Variants in ACSL6 observed in about 807,000 individuals in gnomAD.
The protein encoded by ACSL6 is long-chain-fatty-acid--CoA ligase 6.
Under a neutral mutation model 98.2 loss-of-function variants are expected in ACSL6, and 47 were observed. That is an observed-to-expected ratio of 0.48 (90% CI 0.38 to 0.61). ACSL6 has a LOEUF of 0.61. ACSL6 is among the 20% of genes least tolerant of loss of function. The pLI is 0.00. For missense variants in ACSL6, 761 were observed against 913.4 expected (o/e 0.83, Z 2.15); for synonymous variants, 362 against 336.9 (o/e 1.07, Z -0.82).
chr5:131,959,393 G>A (rs1485126042), intron 20 of ACSL6, 143 bp downstream of exon 20: 1 of 812,158 alleles, frequency 1.2e-6, no homozygotes, highest in Non-Finnish European at 2.0e-6. Context: ...CTTGGAACAG[G>A]CCTTCAGGGG....
chr5:131,970,317 C>T (rs1444416194), intron 14 of ACSL6, 117 bp from the exon 15 acceptor site: 5 of 861,408 alleles, frequency 5.8e-6, no homozygotes, highest in African/African-American at 1.7e-5. Flanking sequence ...ATGATCAGGG[C>T]GATGGAGGGA....
chr5:131,956,260 T>C (rs900705343), intron 20 of ACSL6, among the ~76,000 whole-genome samples: 3 of 152,132 alleles, frequency 2.0e-5, no homozygotes, highest in African/African-American at 7.2e-5. Flanking sequence ...AGTAGAAATG[T>C]AAAAGAAAAC....
rs912941739 is a variant in ACSL6, at chr5:132,011,056, G to C, written c.49+449C>G. Among the ~76,000 whole-genome samples the C allele has an allele frequency of 6.6e-6, 1 of 152,126 alleles. No homozygotes were observed. The highest frequency in any genetic ancestry group is 1.5e-5 in the Non-Finnish European group (1 of 67,996). The stretch of plus-strand genomic sequence containing the variant: ...AGGGGTCGTGAGGAAGCCCCTCGCC[G>C]GGATCAGGAAGCCTAGGTCAGTCCG... On this transcript the variant is annotated intron_variant, in intron 1 of 20. Coordinates refer to ENST00000651883, the MANE Select transcript of ACSL6 (RefSeq NM_001009185.3). This position sits in a 1 kb window ranked among gnomAD's most constrained non-coding sequence, Gnocchi z 5.4.
intron 2 of ACSL6, chr5:131,993,242 C>CT (rs1754619887): frequency 1.3e-5 from 2 of 152,328 alleles, no homozygotes; most frequent in Admixed American, 6.5e-5. Flanking sequence ...CCAAGGTGCA[C>CT]TGTCAAGAGC....
intron 9 of ACSL6, 101 bp downstream of exon 9, chr5:131,985,306 C>A: frequency 6.9e-7 from 1 of 1,450,282 alleles, no homozygotes; most frequent in Non-Finnish European, 9.5e-7. Context: ...CAAGGCTCAG[C>A]CCATTTCAAA....
intron 19 of ACSL6, among the ~76,000 whole-genome samples, chr5:131,960,099 A>G (rs114731341): frequency 6.6e-6 from 1 of 152,170 alleles, no homozygotes; most frequent in Non-Finnish European, 1.5e-5. Flanking sequence ...TTTCTATTCC[A>G]TGACTAGCTG....
intron 2 of ACSL6, among the ~76,000 whole-genome samples, chr5:131,992,583 C>T (rs902962309): frequency 1.2e-4 from 19 of 152,160 alleles, no homozygotes; most frequent in Admixed American, 1.1e-3. Flanking sequence ...ACTCAGTGGC[C>T]CCTACACACG....
chr5:131,976,858 C>T (rs1167203577), intron 9 of ACSL6, 137 bp from the exon 10 acceptor site: 18 of 709,608 alleles, frequency 2.5e-5, no homozygotes, highest in Non-Finnish European at 4.6e-5. Context: ...CACCTTTAGA[C>T]TTACAGGCAG....
At chr5:131,994,548 C>T (rs1471882948) in intron 1 of ACSL6, 2 of 409,432 alleles carry the variant, frequency 4.9e-6, no homozygotes, top group African/African-American at 4.0e-5. Flanking sequence ...AGGGCCACTG[C>T]TCTGGCAGCT....
intron 8 of ACSL6, among the ~76,000 whole-genome samples, 156 bp from the exon 9 acceptor site, chr5:131,985,614 C>T (rs1253075412): frequency 2.6e-5 from 4 of 152,172 alleles, no homozygotes; most frequent in African/African-American, 4.8e-5. Context: ...GTGCTGCGCT[C>T]AGAAAGGTGG....
At chr5:131,960,436 T>C in intron 19 of ACSL6, 84 bp downstream of exon 19, 3 of 1,101,512 alleles carry the variant, frequency 2.7e-6, no homozygotes, top group Non-Finnish European at 2.6e-6. Flanking sequence ...CGAATTTCAC[T>C]GGTCTACAAC....
chr5:131,999,017 G>T (rs1754929779), intron 1 of ACSL6, among the ~76,000 whole-genome samples: 1 of 152,128 alleles, frequency 6.6e-6, no homozygotes, highest in Non-Finnish European at 1.5e-5. Flanking sequence ...TTCAAAACGG[G>T]TGGGGAAGCT....
upstream of ACSL6, chr5:132,011,760 C>A: frequency 7.6e-7 from 1 of 1,310,496 alleles, no homozygotes; most frequent in Non-Finnish European, 9.7e-7. The surrounding 1 kb of genome is among the most constrained non-coding windows in gnomAD (Gnocchi z 5.4). Flanking sequence ...CACTCGCAAC[C>A]GAGCCTTACT....
chr5:132,010,215 C>G (rs1755634044), intron 1 of ACSL6, among the ~76,000 whole-genome samples: 1 of 152,188 alleles, frequency 6.6e-6, no homozygotes, highest in East Asian at 1.9e-4. Flanking sequence ...TCTCCCAGCT[C>G]AGGGGAAGTG....
rs1554113667 is a variant in ACSL6, at chr5:131,981,332, A to AAC, written c.916+4074_916+4075insGT. ...TTCATAGTCAACTATTAAAAAAAAA[A>AAC]AAAAAAAAAAAAACACAACTTTCTC... On this transcript the variant is annotated intron_variant, in intron 9 of 20. Coordinates refer to ENST00000651883, the MANE Select transcript of ACSL6 (RefSeq NM_001009185.3). Among the ~76,000 whole-genome samples the AAC allele has an allele frequency of 4.2e-3, 618 of 146,682 alleles. 4 individuals are homozygous for AAC. Among genetic ancestry groups the AAC allele is most frequent in the Middle Eastern group, 0.021 (6 of 292 alleles).
Position 131,950,267 on chromosome 5 carries a change from C to G in ACSL6, c.*3967G>C. On this transcript the variant is annotated 3_prime_UTR_variant, in exon 21 of 21. Transcript: ENST00000651883. ...AAAAGCCACTGTCACCTCATGAAACCCTTTCCATTTGGTACCAAGTTTAGA... is the reference window on the plus strand; with the variant it reads ...AAAAGCCACTGTCACCTCATGAAACGCTTTCCATTTGGTACCAAGTTTAGA... 1 of 204,070 alleles carries G rather than the reference C, an allele frequency of 4.9e-6. No homozygotes were observed. Among genetic ancestry groups the G allele is most frequent in the Non-Finnish European group, 1.0e-5 (1 of 99,586 alleles). 12.6% of individuals were successfully genotyped at this position (204,070 alleles called of 1,614,324 possible).
At chr5:132,005,619 C>G (rs1032350095) in intron 1 of ACSL6, among the ~76,000 whole-genome samples, 2 of 152,236 alleles carry the variant, frequency 1.3e-5, no homozygotes, top group Non-Finnish European at 2.9e-5. Flanking sequence ...GTTTATGAGG[C>G]AGGATCTGCA....
chr5:131,956,489 T>C (rs969918175), intron 20 of ACSL6, among the ~76,000 whole-genome samples: 1 of 152,194 alleles, frequency 6.6e-6, no homozygotes, highest in African/African-American at 2.4e-5. Context: ...TTCAGTCCCT[T>C]AGTGAGCAGG....
chr5:131,986,182 C>A (rs1057463070), intron 8 of ACSL6, among the ~76,000 whole-genome samples: 1 of 152,170 alleles, frequency 6.6e-6, no homozygotes, highest in Non-Finnish European at 1.5e-5. Flanking sequence ...AAAACTGAGC[C>A]GTGATGTGTA....
Sources: gnomAD v4.1 joint callset for allele counts (sites outside exome capture counted in the v4.1 genomes callset) on GRCh38, gnomAD v4.1.1 for gene constraint, Gnocchi (gnomAD v3.1) non-coding constraint, MANE v1.5 for transcripts, NCBI Gene and HGNC (gene_info 2026-07-23, HGNC 2026-07-21) for gene names.